Variants in PPM1L observed in about 807,000 individuals in gnomAD.
The protein encoded by PPM1L is protein phosphatase 1L.
In PPM1L, 13 loss-of-function variants were observed where a neutral mutation model predicts 31.4. The ratio of observed to expected loss-of-function variants is 0.41; its 90% confidence interval spans 0.27 to 0.66. The LOEUF is 0.66. PPM1L is among the 30% of genes least tolerant of loss of function. The probability of loss-of-function intolerance (pLI) is 0.29; values close to 1 mark genes in which losing one functional copy is unlikely to be tolerated. For synonymous variants in PPM1L, 184 were observed against 175.4 expected (o/e 1.05, Z -0.39); for missense variants, 326 against 453.7 (o/e 0.72, Z 2.56).
intron 1 of PPM1L, among the ~76,000 whole-genome samples, chr3:160,826,894 T>G (rs193145852): frequency 6.6e-5 from 10 of 152,220 alleles, no homozygotes. Flanking sequence ...GCTGTAGGTC[T>G]GCAGGTAATT....
chr3:160,808,408 T>TGCGTGC (rs1553808353), intron 1 of PPM1L, among the ~76,000 whole-genome samples: 1 of 135,546 alleles, frequency 7.4e-6, no homozygotes, highest in Non-Finnish European at 1.6e-5. Flanking sequence ...TGTGTGTGTG[T>TGCGTGC]GTGTGTGTGT....
intron 1 of PPM1L, among the ~76,000 whole-genome samples, chr3:160,881,998 CTGAGA>C (rs1712736995): frequency 6.6e-6 from 1 of 150,884 alleles, no homozygotes; most frequent in South Asian, 2.1e-4. Context: ...TTGCAGTGAG[CTGAGA>C]TTGCACCACT....
At chr3:160,771,641 T>G (rs1715260277) in intron 1 of PPM1L, among the ~76,000 whole-genome samples, 1 of 146,544 alleles carries the variant, frequency 6.8e-6, no homozygotes, top group Admixed American at 7.1e-5. Flanking sequence ...GTTTTAAAGA[T>G]ACGAAGCAGA....
chr3:161,010,975 A>G (rs934087163), intron 2 of PPM1L, among the ~76,000 whole-genome samples: 3 of 152,060 alleles, frequency 2.0e-5, no homozygotes, highest in Non-Finnish European at 4.4e-5. Flanking sequence ...TTGCCTGTTC[A>G]CTCTGATGGT....
chr3:160,885,838 G>A (rs757311875), intron 1 of PPM1L, among the ~76,000 whole-genome samples: 1 of 152,224 alleles, frequency 6.6e-6, no homozygotes. Context: ...AGCTCCCCTG[G>A]GGGAGGGGCA....
Position 160,782,770 on chromosome 3 carries a change from TAA to T in PPM1L, c.399+26069_399+26070del, listed in dbSNP as rs200014371. Among the ~76,000 whole-genome samples the T allele has an allele frequency of 8.3e-4, 126 of 152,236 alleles. 3 individuals are homozygous for T. The East Asian group carries it at 0.023, about 28-fold the overall frequency. The stretch of plus-strand genomic sequence containing the variant: ...CATAGAGCTTAGAAATGTTGTAAAG[TAA>T]AAAAAGAGTTCTTTGTCATCCTTTC... On this transcript the variant is annotated intron_variant, in intron 1 of 3. Transcript: ENST00000498165.
chr3:160,890,451 A>G (rs937617732), intron 1 of PPM1L, among the ~76,000 whole-genome samples: 1 of 151,720 alleles, frequency 6.6e-6, no homozygotes, highest in African/African-American at 2.4e-5. Context: ...ACCTCTTCAA[A>G]ATACACCACA....
intron 1 of PPM1L, among the ~76,000 whole-genome samples, chr3:160,806,649 T>C (rs577536057): frequency 1.3e-5 from 2 of 152,140 alleles, no homozygotes; most frequent in Admixed American, 1.3e-4. Flanking sequence ...TGGCGGGCTG[T>C]AGACCCAGCT....
At chr3:160,778,275 A>G (rs368978213) in intron 1 of PPM1L, among the ~76,000 whole-genome samples, 20 of 152,196 alleles carry the variant, frequency 1.3e-4, no homozygotes, top group East Asian at 9.6e-4. Context: ...TAGTCCAGAT[A>G]TTAATCTCTT....
chr3:160,945,046 ATTATATATAACTATATATAACATGT>A (rs1715351726), intron 1 of PPM1L, among the ~76,000 whole-genome samples: 2 of 10,866 alleles, frequency 1.8e-4, no homozygotes, highest in African/African-American at 2.2e-4. Context: ...TAACATATAT[ATTATATATAACTATATATAACATGT>A]TATATATAAC....
At chr3:160,908,347 C>A (rs1378086090) in intron 1 of PPM1L, among the ~76,000 whole-genome samples, 1 of 144,516 alleles carries the variant, frequency 6.9e-6, no homozygotes, top group Non-Finnish European at 1.6e-5. Context: ...GAATATGCAT[C>A]CTCGTTACAT....
At chr3:160,807,893 G>T (rs1712650229) in intron 1 of PPM1L, among the ~76,000 whole-genome samples, 1 of 151,858 alleles carries the variant, frequency 6.6e-6, no homozygotes, top group African/African-American at 2.4e-5. Flanking sequence ...AATTAAGGGA[G>T]TTTTAGAAAT....
At chr3:160,993,921 C>T (rs1253166241) in intron 2 of PPM1L, among the ~76,000 whole-genome samples, 1 of 152,040 alleles carries the variant, frequency 6.6e-6, no homozygotes, top group Non-Finnish European at 1.5e-5. Flanking sequence ...AGCCTGCTCT[C>T]TCCCCAACTC....
intron 1 of PPM1L, among the ~76,000 whole-genome samples, chr3:160,786,509 C>A (rs1344011689): frequency 1.3e-5 from 2 of 151,302 alleles, no homozygotes; most frequent in African/African-American, 2.4e-5. Flanking sequence ...TGAGCCACTG[C>A]GCCTGGCCTA....
intron 2 of PPM1L, among the ~76,000 whole-genome samples, chr3:161,012,803 T>C (rs1156332920): frequency 3.9e-5 from 6 of 152,222 alleles, no homozygotes; most frequent in Admixed American, 1.3e-4. Context: ...AGTTTATTTG[T>C]GTAGAGGTGT....
chr3:160,937,775 C>T (rs1461393599), intron 1 of PPM1L, among the ~76,000 whole-genome samples: 3 of 152,132 alleles, frequency 2.0e-5, no homozygotes, highest in East Asian at 3.8e-4. Flanking sequence ...GTTTTATGCC[C>T]TCAAAGCACA....
In PPM1L at chr3:160,879,686, A is replaced by G. The variant is rs573928498; in HGVS notation, c.400-82050A>G. On this transcript the variant is annotated intron_variant, in intron 1 of 3. Transcript: ENST00000498165. ...ACAAATTCCTTTAGGACATTGGTCAATCAAATCAGAATCCCAGGGCATGCC... is the reference window on the plus strand; with the variant it reads ...ACAAATTCCTTTAGGACATTGGTCAGTCAAATCAGAATCCCAGGGCATGCC... 5.3e-5 allele frequency among the ~76,000 whole-genome samples: 8 copies of G among 152,344 alleles called. No individual in the cohort carries two copies. The East Asian group carries it at 9.6e-4, about 18-fold the overall frequency.
intron 1 of PPM1L, among the ~76,000 whole-genome samples, chr3:160,940,872 C>T (rs1049812043): frequency 6.6e-6 from 1 of 152,156 alleles, no homozygotes; most frequent in Non-Finnish European, 1.5e-5. Context: ...GTAGATCCAC[C>T]CACAGCTTGA....
intron 2 of PPM1L, among the ~76,000 whole-genome samples, chr3:161,012,994 G>C (rs1262045210): frequency 1.3e-5 from 2 of 151,978 alleles, no homozygotes; most frequent in Non-Finnish European, 2.9e-5. Context: ...ATTTTTTGAA[G>C]GGTTTTTTGT....
Sources: gnomAD v4.1 joint callset for allele counts (sites outside exome capture counted in the v4.1 genomes callset) on GRCh38, gnomAD v4.1.1 for gene constraint, MANE v1.5 for transcripts, NCBI Gene and HGNC (gene_info 2026-07-23, HGNC 2026-07-21) for gene names.